The following SNX29 variants were observed in gnomAD, a reference collection of about 807,000 sequenced individuals.
The protein encoded by SNX29 is sorting nexin 29.
SNX29 carries 78 observed loss-of-function variants against 102.1 expected under a neutral mutation model. The ratio of observed to expected loss-of-function variants is 0.76; its 90% CI spans 0.64 to 0.92. The LOEUF (loss-of-function observed/expected upper bound fraction) is 0.92, where lower values mean the gene tolerates loss of function less well. SNX29 is among the 40% of genes least tolerant of loss of function. The pLI, the probability that SNX29 is intolerant of heterozygous loss-of-function variation, is 0.00. For synonymous variants in SNX29, 580 were observed against 414.5 expected (o/e 1.40, Z -4.85); for missense variants, 1,280 against 1,061.7 (o/e 1.21, Z -2.86).
rs1304211432 is a variant in SNX29, at chr16:12,570,210, T to TG, written c.*1585dup. 1.1e-5 allele frequency: 12 copies of TG among 1,064,856 alleles called. No homozygotes were observed. Among genetic ancestry groups the TG allele is most frequent in the Middle Eastern group, 8.3e-4 (2 of 2,402 alleles). The allele number at this position is 1,064,856 out of a possible 1,614,324, so 66.0% of individuals were successfully genotyped here. A position where few individuals can be genotyped will look rare whatever the true frequency, so the allele number is the denominator to read the frequency against. ...AGCCTACATGACTTCCAAGGGGACC[T>TG]GGGGCCAGATAAGCCCTGCCCCGGT... is the stretch of plus-strand genomic sequence containing the variant. On this transcript the variant is annotated 3_prime_UTR_variant, in exon 21 of 21. Transcript: ENST00000566228.
Position 12,260,929 on chromosome 16 carries a change from C to T in SNX29, c.1679-17004C>T, listed in dbSNP as rs182971823. On this transcript the variant is annotated intron_variant, in intron 14 of 20. Transcript: ENST00000566228. ...TTTGTTGAGCTCAGGTCAGTGCACG[C>T]GCCCCCGGCTGGAGTGAGTATTTGC... is the stretch of plus-strand genomic sequence containing the variant. 3.1e-3 allele frequency among the ~76,000 whole-genome samples: 452 copies of T among 146,444 alleles called. 2 individuals are homozygous for T. The highest frequency in any genetic ancestry group is 2.7e-3 in the Non-Finnish European group (177 of 66,678).
At chr16:12,470,353 T>C (rs2087276300) in intron 18 of SNX29, among the ~76,000 whole-genome samples, 1 of 152,230 alleles carries the variant, frequency 6.6e-6, no homozygotes, top group Admixed American at 6.5e-5. Context: ...ACCGCCTTCA[T>C]GTCAGCGGGT....
In SNX29 at chr16:12,570,279, A is replaced by T. The variant is rs1008241868; in HGVS notation, c.*1650A>T. 5.6e-6 allele frequency: 6 copies of T among 1,064,508 alleles called. No individual in the cohort carries two copies. The South Asian group carries it at 1.4e-4, about 24-fold the overall frequency. 65.9% of individuals were successfully genotyped at this position (1,064,508 alleles called of 1,614,324 possible). Reference sequence around the variant, plus strand: ...GCATGTATGGAGGTGCGGACCCTGCAGTCAGTTTGCGAGTGTGGAGGACCC... The same window carrying T: ...GCATGTATGGAGGTGCGGACCCTGCTGTCAGTTTGCGAGTGTGGAGGACCC... On this transcript the variant is annotated 3_prime_UTR_variant, in exon 21 of 21. Transcript: ENST00000566228.
At position 12,568,439 on chromosome 16, in the gene SNX29, C is replaced by T. The variant is rs1053901755; in HGVS notation, c.2319-67C>T. The T allele has an allele frequency of 3.8e-5, 60 of 1,588,482 alleles. No homozygotes were observed. In the South Asian group the frequency reaches 4.3e-4, roughly 11 times the overall value. On this transcript the variant is annotated intron_variant, in intron 20 of 20. Coordinates refer to ENST00000566228, the MANE Select transcript of SNX29 (RefSeq NM_032167.5). ...CCTCCTGCCCTCACACCTGGCTCCC[C>T]TTCCTGGCCTGTGGTCATTTGCTTT...
chr16:12,218,068 A>T (rs1456705251), intron 14 of SNX29, among the ~76,000 whole-genome samples: 4 of 151,298 alleles, frequency 2.6e-5, no homozygotes, highest in Non-Finnish European at 4.4e-5. Context: ...AATATGAATT[A>T]TGGAAGGCTC....
At chr16:12,052,565 T>A (rs1366236655) in intron 8 of SNX29, 1 of 304,758 alleles carries the variant, frequency 3.3e-6, no homozygotes, top group Admixed American at 4.7e-5. Flanking sequence ...TTTCTCTTTC[T>A]ATGGTATTGG....
At chr16:12,378,989 T>G (rs566066632) in intron 16 of SNX29, among the ~76,000 whole-genome samples, 31 of 152,294 alleles carry the variant, frequency 2.0e-4, no homozygotes, top group African/African-American at 6.7e-4. Context: ...GGACAAGATA[T>G]GCTGATTGAC....
At chr16:12,556,984 A>G (rs1224917046) in intron 20 of SNX29, among the ~76,000 whole-genome samples, 2 of 146,874 alleles carry the variant, frequency 1.4e-5, no homozygotes, top group African/African-American at 5.1e-5. Flanking sequence ...GAGTAGCTGG[A>G]CAACAGGTAC....
At chr16:12,364,055 C>G (rs1415889173) in intron 16 of SNX29, among the ~76,000 whole-genome samples, 1 of 152,108 alleles carries the variant, frequency 6.6e-6, no homozygotes, top group Non-Finnish European at 1.5e-5. Context: ...TGCAGTGGCA[C>G]CATCATAGCT....
At chr16:12,522,243 G>C (rs2090128732) in intron 19 of SNX29, among the ~76,000 whole-genome samples, 1 of 152,156 alleles carries the variant, frequency 6.6e-6, no homozygotes, top group Admixed American at 6.5e-5. Flanking sequence ...CATACTTTTT[G>C]CTGAAAAATT....
intron 1 of SNX29, among the ~76,000 whole-genome samples, chr16:11,985,357 G>C (rs557456410): frequency 2.3e-4 from 35 of 152,242 alleles, no homozygotes; most frequent in African/African-American, 6.5e-4. Flanking sequence ...TGTTAGCCAG[G>C]GCTCTTTTCA....
At chr16:12,148,997 C>T (rs139828232) in intron 13 of SNX29, among the ~76,000 whole-genome samples, 7 of 152,262 alleles carry the variant, frequency 4.6e-5, no homozygotes, top group East Asian at 1.9e-4. Flanking sequence ...CCACCACGCC[C>T]GGCCTGCCTT....
chr16:12,239,639 CAAAAAAAAAAAAA>C lies in SNX29; in HGVS notation c.1679-38276_1679-38264del, dbSNP rs61024203. ...GGCAAGGAGTGAGACCCTGTTTCTA[CAAAAAAAAAAAAA>C]AAAAAAAAAAAAAAAAATTAGTCCG... On this transcript the variant is annotated intron_variant, in intron 14 of 20. Coordinates refer to ENST00000566228, the MANE Select transcript of SNX29 (RefSeq NM_032167.5). Among the ~76,000 whole-genome samples, 9 of 62,568 alleles carry C rather than the reference CAAAAAAAAAAAAA, an allele frequency of 1.4e-4. 1 individual carries two copies. Among genetic ancestry groups the C allele is most frequent in the African/African-American group, 3.8e-4 (6 of 15,886 alleles). 41.0% of individuals were successfully genotyped at this position (62,568 alleles called of 152,430 possible).
At chr16:12,387,468 G>A (rs1469875064) in intron 16 of SNX29, among the ~76,000 whole-genome samples, 1 of 150,400 alleles carries the variant, frequency 6.6e-6, no homozygotes, top group Non-Finnish European at 1.5e-5. Context: ...GATGGCTCAG[G>A]TCAGAGCTGG....
intron 19 of SNX29, among the ~76,000 whole-genome samples, chr16:12,511,548 C>G (rs2089620063): frequency 1.3e-5 from 2 of 152,158 alleles, no homozygotes; most frequent in Non-Finnish European, 1.5e-5. Context: ...GTGTGGAGCC[C>G]TTGTTCCTTT....
chr16:12,209,106 G>A (rs2077118030), intron 14 of SNX29, among the ~76,000 whole-genome samples: 2 of 152,182 alleles, frequency 1.3e-5, no homozygotes, highest in African/African-American at 4.8e-5. Flanking sequence ...GAAAAAGAGG[G>A]CTTTAGATAA....
chr16:12,511,386 C>G (rs888942377), intron 19 of SNX29, among the ~76,000 whole-genome samples: 1 of 152,080 alleles, frequency 6.6e-6, no homozygotes, highest in African/African-American at 2.4e-5. Context: ...GGGGATATTA[C>G]TGTCTATTTC....
At chr16:12,047,910 G>C (rs1399852748) in intron 6 of SNX29, among the ~76,000 whole-genome samples, 2 of 152,070 alleles carry the variant, frequency 1.3e-5, no homozygotes, top group Non-Finnish European at 2.9e-5. Context: ...ACCTGTCTCA[G>C]CCTTCCAAAG....
chr16:12,289,406 G>A (rs890421631), intron 15 of SNX29, among the ~76,000 whole-genome samples: 2 of 152,194 alleles, frequency 1.3e-5, no homozygotes, highest in Admixed American at 6.5e-5. Context: ...GCATGCTTGC[G>A]CCCCTAGCCT....
Sources: gnomAD v4.1 joint callset for allele counts (sites outside exome capture counted in the v4.1 genomes callset) on GRCh38, gnomAD v4.1.1 for gene constraint, MANE v1.5 for transcripts, NCBI Gene and HGNC (gene_info 2026-07-23, HGNC 2026-07-21) for gene names.